ANKS1B: variants seen among roughly 807,000 people sequenced by gnomAD.
ANKS1B encodes ankyrin repeat and sterile alpha motif domain-containing protein 1B.
A neutral mutation model predicts 148.3 loss-of-function variants in ANKS1B; 36 were observed. The ratio of observed to expected loss-of-function variants is 0.24; its 90% CI spans 0.19 to 0.32. The LOEUF (loss-of-function observed/expected upper bound fraction) is 0.32, where lower values mean the gene tolerates loss of function less well. ANKS1B is among the 10% of genes least tolerant of loss of function. The pLI is 1.00. For synonymous variants in ANKS1B, 542 were observed against 560.8 expected (o/e 0.97, Z 0.47); for missense variants, 1,157 against 1,542.6 (o/e 0.75, Z 4.19).
At chr12:99,278,670 G>T (rs1023512093) in intron 12 of ANKS1B, among the ~76,000 whole-genome samples, 15 of 152,140 alleles carry the variant, frequency 9.9e-5, no homozygotes, top group Admixed American at 3.3e-4. Flanking sequence ...ATGAAGGATT[G>T]TAATCTTCTG....
intron 10 of ANKS1B, among the ~76,000 whole-genome samples, chr12:99,484,187 A>C (rs2096455536): frequency 6.6e-6 from 1 of 151,814 alleles, no homozygotes; most frequent in African/African-American, 2.4e-5. Context: ...GAATTTGATA[A>C]CTTATTTCAT....
At chr12:98,746,929 A>C (rs2097908466) in intron 26 of ANKS1B, among the ~76,000 whole-genome samples, 1 of 152,214 alleles carries the variant, frequency 6.6e-6, no homozygotes, top group Non-Finnish European at 1.5e-5. Context: ...AAATGGATTA[A>C]AGACTTAGAG....
At chr12:99,647,235 C>T (rs2153429826) in intron 9 of ANKS1B, among the ~76,000 whole-genome samples, 1 of 152,166 alleles carries the variant, frequency 6.6e-6, no homozygotes. Context: ...TCAGGGATAT[C>T]TTTTCATGTC....
rs548084828 is a variant in ANKS1B at position 99,652,190 on chromosome 12, AGGCTGGGTGCAGT to A, written c.1272+2864_1272+2876del. ...CACATTCTTAAGAATTTATAGTGAG[AGGCTGGGTGCAGT>A]GGCTCACGCCTGTAATACCAGCACT... is the stretch of plus-strand genomic sequence containing the variant. On this transcript the variant is annotated intron_variant, in intron 9 of 26. Transcript: ENST00000683438. 2.3e-3 allele frequency among the ~76,000 whole-genome samples: 349 copies of A among 152,108 alleles called. 2 individuals are homozygous for A. The highest frequency in any genetic ancestry group is 8.0e-3 in the African/African-American group (332 of 41,494).
At chr12:99,306,834 T>C (rs2082414940) in intron 12 of ANKS1B, among the ~76,000 whole-genome samples, 1 of 152,038 alleles carries the variant, frequency 6.6e-6, no homozygotes, top group Admixed American at 6.6e-5. Flanking sequence ...ATACAGTTGA[T>C]TTTTTTAACC....
intron 19 of ANKS1B, among the ~76,000 whole-genome samples, chr12:98,817,978 A>G (rs1025215187): frequency 6.6e-6 from 1 of 152,238 alleles, no homozygotes; most frequent in African/African-American, 2.4e-5. Context: ...TGCTGGAGTC[A>G]GCATTAATCA....
chr12:99,095,027 G>T (rs1397404727), intron 15 of ANKS1B, among the ~76,000 whole-genome samples: 1 of 16,050 alleles, frequency 6.2e-5, no homozygotes, highest in African/African-American at 2.9e-4. Flanking sequence ...GGGTCTCACT[G>T]GGGGGGGGGT....
chr12:99,173,198 T>C (rs905432357), intron 14 of ANKS1B, among the ~76,000 whole-genome samples: 2 of 152,202 alleles, frequency 1.3e-5, no homozygotes, highest in African/African-American at 4.8e-5. Flanking sequence ...ATCTCATGAT[T>C]AGAGTAAATA....
chr12:99,728,771 T>C (rs1019183412), intron 8 of ANKS1B, among the ~76,000 whole-genome samples: 2 of 152,324 alleles, frequency 1.3e-5, no homozygotes, highest in South Asian at 2.1e-4. Flanking sequence ...ATATACACGA[T>C]GGAATACTAT....
intron 11 of ANKS1B, among the ~76,000 whole-genome samples, chr12:99,441,618 A>G (rs2095551665): frequency 6.6e-6 from 1 of 152,000 alleles, no homozygotes; most frequent in African/African-American, 2.4e-5. Flanking sequence ...TTACATAAAT[A>G]CAGGCTGCAT....
At chr12:99,284,171 T>C (rs2078824080) in intron 12 of ANKS1B, among the ~76,000 whole-genome samples, 1 of 152,206 alleles carries the variant, frequency 6.6e-6, no homozygotes. Context: ...GATCATCTGA[T>C]CCTAGTATCA....
chr12:99,784,384 G>A (rs1230879017), intron 4 of ANKS1B, among the ~76,000 whole-genome samples: 3 of 152,050 alleles, frequency 2.0e-5, no homozygotes, highest in African/African-American at 7.2e-5. Context: ...ATGTTAGCCA[G>A]GATGGTCTCG....
chr12:99,057,631 G>A (rs1183182242), intron 16 of ANKS1B, among the ~76,000 whole-genome samples: 1 of 152,144 alleles, frequency 6.6e-6, no homozygotes, highest in Non-Finnish European at 1.5e-5. Flanking sequence ...TTAGAATTAT[G>A]CCCCTGTGCC....
intron 10 of ANKS1B, among the ~76,000 whole-genome samples, chr12:99,469,604 T>C (rs942772430): frequency 2.6e-5 from 4 of 152,208 alleles, no homozygotes; most frequent in Admixed American, 2.0e-4. Context: ...ACAGTCAGAG[T>C]ATTACGGACA....
intron 26 of ANKS1B, among the ~76,000 whole-genome samples, chr12:98,748,808 C>A (rs2153382521): frequency 6.6e-6 from 1 of 152,276 alleles, no homozygotes; most frequent in South Asian, 2.1e-4. Context: ...GCCACCCAAC[C>A]CTTTGTGCTC....
At chr12:99,697,094 G>T (rs1336643006) in intron 8 of ANKS1B, among the ~76,000 whole-genome samples, 1 of 152,194 alleles carries the variant, frequency 6.6e-6, no homozygotes, top group Non-Finnish European at 1.5e-5. Context: ...TGCTGGTGAG[G>T]ATGTGGAGCA....
At chr12:99,094,237 T>TA (rs1239356426) in intron 15 of ANKS1B, among the ~76,000 whole-genome samples, 4 of 152,278 alleles carry the variant, frequency 2.6e-5, no homozygotes, top group South Asian at 2.1e-4. Context: ...AACAGTGGAA[T>TA]AAAAAAATAG....
intron 14 of ANKS1B, among the ~76,000 whole-genome samples, chr12:99,239,260 T>C (rs1042164569): frequency 6.6e-6 from 1 of 152,000 alleles, no homozygotes; most frequent in African/African-American, 2.4e-5. Flanking sequence ...CACAAGAACC[T>C]CATGATGCAT....
Position 99,399,806 on chromosome 12 carries a change from T to C in ANKS1B, c.1581A>G (p.Lys527=), listed in dbSNP as rs1443448625. The C allele has an allele frequency of 1.2e-6, 2 of 1,613,318 alleles. No individual in the cohort carries two copies. The change falls in exon 12 of 27, where the codon AAA becomes AAG. Residue 527 remains lysine (K), a synonymous_variant. Transcript: ENST00000683438. ...NIVKVIRPQP[K]QRTSIVSSLD... is the part of the protein sequence containing the mutation. Reference sequence around the variant, plus strand: ...GAGAAGACACAATGGATGTTCGCTGTTTAGGCTAAAATAAATGAGCATGAC... The same window carrying C: ...GAGAAGACACAATGGATGTTCGCTGCTTAGGCTAAAATAAATGAGCATGAC...
Sources: gnomAD v4.1 joint callset for allele counts (sites outside exome capture counted in the v4.1 genomes callset) on GRCh38, gnomAD v4.1.1 for gene constraint, MANE v1.5 for transcripts, NCBI Gene and HGNC (gene_info 2026-07-23, HGNC 2026-07-21) for gene names.